NEGR1: variants seen among roughly 807,000 people sequenced by gnomAD.
NEGR1 encodes IgLON family member 4.
Under a neutral mutation model 40.9 loss-of-function variants are expected in NEGR1, and 10 were observed. The ratio of observed to expected loss-of-function variants is 0.24; its 90% CI spans 0.15 to 0.42. The LOEUF is 0.42. Among genes scored for constraint, NEGR1 ranks in the 10% least tolerant of loss-of-function variants. NEGR1 has a pLI of 1.00. For synonymous variants in NEGR1, 185 were observed against 166.8 expected (o/e 1.11, Z -0.84); for missense variants, 352 against 438.9 (o/e 0.80, Z 1.77).
At chr1:71,744,354 T>TAAC (rs1655315838) in intron 3 of NEGR1, among the ~76,000 whole-genome samples, 1 of 146,688 alleles carries the variant, frequency 6.8e-6, no homozygotes, top group Admixed American at 6.9e-5. Flanking sequence ...ATAATAATAA[T>TAAC]AATAATAATA....
intron 3 of NEGR1, among the ~76,000 whole-genome samples, chr1:71,735,517 G>T (rs72944192): frequency 0.072 from 10,998 of 151,918 alleles, 495 homozygotes; most frequent in East Asian, 0.14. Flanking sequence ...GACATGGAGT[G>T]ATTACATGAT....
chr1:71,903,717 A>G (rs1036057554), intron 2 of NEGR1, among the ~76,000 whole-genome samples: 10 of 151,848 alleles, frequency 6.6e-5, no homozygotes, highest in Admixed American at 2.0e-4. Flanking sequence ...CTCTCCATAT[A>G]TATGTATATA....
At chr1:71,830,651 G>GA (rs1435563130) in intron 2 of NEGR1, among the ~76,000 whole-genome samples, 1 of 151,908 alleles carries the variant, frequency 6.6e-6, no homozygotes, top group Admixed American at 6.6e-5. Flanking sequence ...AACAGAGCCA[G>GA]AAAGGAGGAT....
intron 1 of NEGR1, among the ~76,000 whole-genome samples, chr1:72,086,728 T>C (rs186508184): frequency 3.3e-5 from 5 of 152,284 alleles, no homozygotes; most frequent in Admixed American, 3.3e-4. Flanking sequence ...TGTTAATAGA[T>C]TTATTTAAAA....
chr1:71,751,488 T>C (rs1220649886), intron 3 of NEGR1, among the ~76,000 whole-genome samples: 1 of 152,218 alleles, frequency 6.6e-6, no homozygotes, highest in African/African-American at 2.4e-5. Context: ...CATTTCCCCA[T>C]TGTTTGACTT....
chr1:71,787,413 T>C (rs7549292), intron 2 of NEGR1, among the ~76,000 whole-genome samples: 8,260 of 152,208 alleles, frequency 0.054, 400 homozygotes, highest in African/African-American at 0.13. Flanking sequence ...ATATGAGTAA[T>C]GTGAGTCAGG....
intron 2 of NEGR1, among the ~76,000 whole-genome samples, chr1:71,929,567 C>A (rs971484064): frequency 6.6e-6 from 1 of 152,120 alleles, no homozygotes; most frequent in Admixed American, 6.5e-5. Flanking sequence ...CAGACAATGA[C>A]TGTTTCAACA....
At chr1:71,457,591 G>A (rs548331066) in intron 6 of NEGR1, among the ~76,000 whole-genome samples, 1 of 152,192 alleles carries the variant, frequency 6.6e-6, no homozygotes. Context: ...CGAATTCAGC[G>A]AGGACATTAA....
At chr1:71,635,048 T>G (rs897117738) in intron 4 of NEGR1, among the ~76,000 whole-genome samples, 2 of 152,014 alleles carry the variant, frequency 1.3e-5, no homozygotes, top group Non-Finnish European at 1.5e-5. Flanking sequence ...GAATCCAGAC[T>G]GATTAAATGG....
intron 1 of NEGR1, among the ~76,000 whole-genome samples, chr1:72,270,567 A>G (rs1443377858): frequency 6.6e-6 from 1 of 151,850 alleles, no homozygotes; most frequent in East Asian, 1.9e-4. Context: ...CTTATCAACT[A>G]TTCCAATATT....
intron 1 of NEGR1, among the ~76,000 whole-genome samples, chr1:72,212,749 C>T (rs573721492): frequency 2.0e-5 from 3 of 151,754 alleles, no homozygotes; most frequent in South Asian, 4.2e-4. Flanking sequence ...TCTGCTTATT[C>T]AATAGGATTG....
intron 6 of NEGR1, among the ~76,000 whole-genome samples, chr1:71,464,800 G>A (rs1277669587): frequency 2.0e-5 from 3 of 152,032 alleles, no homozygotes; most frequent in East Asian, 1.9e-4. Context: ...CAATTCACAC[G>A]GTGAACTGCA....
rs368813127 is a variant in NEGR1, at chr1:71,752,136, T to C, written c.535+24036A>G. Among the ~76,000 whole-genome samples, 27 of 152,318 alleles carry C rather than the reference T, an allele frequency of 1.8e-4. No individual in the cohort carries two copies. In the South Asian group the frequency reaches 4.6e-3, roughly 26 times the overall value. ...AGATGCAATAGAAGTCCATATTCAG[T>C]GTAATACTGAGAAGGAAACAAGTTC... On this transcript the variant is annotated intron_variant, in intron 3 of 6. Transcript: ENST00000357731.
At chr1:71,961,313 G>C (rs923810926) in intron 1 of NEGR1, among the ~76,000 whole-genome samples, 1 of 152,044 alleles carries the variant, frequency 6.6e-6, no homozygotes, top group Non-Finnish European at 1.5e-5. Flanking sequence ...ATGTTTTATT[G>C]AACATTATTT....
chr1:71,437,073 T>C (rs1646514664), intron 6 of NEGR1, among the ~76,000 whole-genome samples: 1 of 152,022 alleles, frequency 6.6e-6, no homozygotes, highest in Non-Finnish European at 1.5e-5. Context: ...CTAAAAACAC[T>C]ATAGGCACAT....
intron 1 of NEGR1, among the ~76,000 whole-genome samples, chr1:72,224,276 A>C (rs1411852353): frequency 6.6e-6 from 1 of 151,968 alleles, no homozygotes; most frequent in Non-Finnish European, 1.5e-5. Context: ...GATGACCTGT[A>C]AGAAAACTGT....
chr1:71,883,489 T>C (rs1227116055), intron 2 of NEGR1, among the ~76,000 whole-genome samples: 1 of 152,114 alleles, frequency 6.6e-6, no homozygotes, highest in East Asian at 1.9e-4. Context: ...AATTCGACCA[T>C]TTGAGAAGAG....
chr1:72,089,122 C>G (rs1648351351), intron 1 of NEGR1, among the ~76,000 whole-genome samples: 1 of 152,136 alleles, frequency 6.6e-6, no homozygotes, highest in Non-Finnish European at 1.5e-5. Context: ...TTCTGCTTTT[C>G]TAACAAGCTC....
intron 1 of NEGR1, among the ~76,000 whole-genome samples, chr1:72,002,861 A>G (rs1219156043): frequency 6.6e-6 from 1 of 152,182 alleles, no homozygotes; most frequent in Non-Finnish European, 1.5e-5. Flanking sequence ...GACACATCGA[A>G]TGTAAAATGT....
Sources: gnomAD v4.1 joint callset for allele counts (sites outside exome capture counted in the v4.1 genomes callset) on GRCh38, gnomAD v4.1.1 for gene constraint, MANE v1.5 for transcripts, NCBI Gene and HGNC (gene_info 2026-07-23, HGNC 2026-07-21) for gene names.